Variants in NBAS observed in about 807,000 individuals in gnomAD.
NBAS encodes NAG/BC035112 fusion.
A neutral mutation model predicts 302.5 loss-of-function variants in NBAS; 219 were observed. That is an observed-to-expected ratio of 0.72 (90% CI 0.65 to 0.81). The LOEUF is 0.81. Among genes scored for constraint, NBAS ranks in the 30% least tolerant of loss-of-function variants. The pLI is 0.00. For missense variants in NBAS, 2,932 were observed against 2,841.6 expected (o/e 1.03, Z -0.72); for synonymous variants, 1,118 against 1,021.6 (o/e 1.09, Z -1.80).
At chr2:15,362,178 A>G (rs1673962528) in intron 32 of NBAS, among the ~76,000 whole-genome samples, 1 of 149,296 alleles carries the variant, frequency 6.7e-6, no homozygotes, top group African/African-American at 2.5e-5. Context: ...GGCCCAATCT[A>G]TTCTGAGAAG....
At chr2:15,291,366 T>C (rs960968705) in intron 41 of NBAS, among the ~76,000 whole-genome samples, 2 of 152,248 alleles carry the variant, frequency 1.3e-5, no homozygotes, top group African/African-American at 4.8e-5. Context: ...AAAAGACATT[T>C]ATACAAAGTT....
Position 15,445,827 on chromosome 2 carries a change from C to G in NBAS, c.2339+15374G>C, listed in dbSNP as rs75041768. On this transcript the variant is annotated intron_variant, in intron 21 of 51. Transcript: ENST00000281513. ...CAATTTCTTGAAACAGATCAAGAAACACCAATGACATGAGAACAAGAGGCA... is the reference window on the plus strand; with the variant it reads ...CAATTTCTTGAAACAGATCAAGAAAGACCAATGACATGAGAACAAGAGGCA... Among the ~76,000 whole-genome samples the G allele has an allele frequency of 2.6e-3, 384 of 150,406 alleles. 2 individuals carry two copies. Among genetic ancestry groups the G allele is most frequent in the Non-Finnish European group, 4.8e-3 (322 of 67,544 alleles).
chr2:14,984,921 C>T, the NBAS span, among the ~76,000 whole-genome samples: 7 of 152,084 alleles, frequency 4.6e-5, no homozygotes, highest in African/African-American at 9.7e-5. Context: ...TTAGACCCTA[C>T]GAGCAGGCAG....
intron 9 of NBAS, among the ~76,000 whole-genome samples, chr2:15,533,143 CGA>C (rs559269552): frequency 1.6e-4 from 25 of 152,046 alleles, no homozygotes; most frequent in Non-Finnish European, 2.6e-4. Flanking sequence ...GAATGTGAAA[CGA>C]GAGACACTTT....
the NBAS span, among the ~76,000 whole-genome samples, chr2:15,128,802 T>A: frequency 1.3e-5 from 2 of 152,166 alleles, no homozygotes; most frequent in African/African-American, 4.8e-5. Flanking sequence ...TGGGGCTGTG[T>A]TCCAGGAAGT....
chr2:15,186,103 C>CAT, intron 50 of NBAS, among the ~76,000 whole-genome samples: 1 of 149,944 alleles, frequency 6.7e-6, no homozygotes, highest in East Asian at 2.0e-4. Context: ...CACACACACA[C>CAT]ACACACATAT....
chr2:15,554,041 T>A lies in NBAS; in HGVS notation c.287+20A>T, dbSNP rs749076701. ...AAAGCTAATCCAGACAGAAAAACAT[T>A]GAATTTCACACTTCCTTACCTTGCA... On this transcript the variant is annotated intron_variant, in intron 4 of 51. Coordinates refer to ENST00000281513, the MANE Select transcript of NBAS (RefSeq NM_015909.4). 7.8e-6 allele frequency: 11 copies of A among 1,411,806 alleles called. No homozygotes were observed. The highest frequency in any genetic ancestry group is 2.2e-5 in the Admixed American group (1 of 46,370). 87.5% of individuals were successfully genotyped at this position (1,411,806 alleles called of 1,614,324 possible). A position where few individuals can be genotyped will look rare whatever the true frequency, so the allele number is the denominator to read the frequency against.
chr2:14,929,141 G>A, the NBAS span, among the ~76,000 whole-genome samples: 6 of 152,098 alleles, frequency 3.9e-5, no homozygotes, highest in African/African-American at 9.7e-5. Context: ...ATGCAGATTC[G>A]TGGGCCCCAT....
chr2:14,978,273 T>A, the NBAS span, among the ~76,000 whole-genome samples: 1 of 152,186 alleles, frequency 6.6e-6, no homozygotes, highest in Admixed American at 6.5e-5. Flanking sequence ...TCCTTCAGAG[T>A]ATGTAGTATC....
the NBAS span, among the ~76,000 whole-genome samples, chr2:14,867,561 CT>C: frequency 6.6e-6 from 1 of 152,154 alleles, no homozygotes; most frequent in Admixed American, 6.6e-5. Context: ...CAAGCATCGA[CT>C]GAGCACTAAT....
chr2:15,469,701 G>A (rs1679875467), intron 16 of NBAS, among the ~76,000 whole-genome samples: 1 of 152,006 alleles, frequency 6.6e-6, no homozygotes. Flanking sequence ...CATAGATGAA[G>A]CTGGAAACCA....
At chr2:15,126,542 G>A in the NBAS span, among the ~76,000 whole-genome samples, 1 of 152,282 alleles carries the variant, frequency 6.6e-6, no homozygotes, top group South Asian at 2.1e-4. Context: ...AAGAAACACA[G>A]ATCAGAGGTA....
the NBAS span, among the ~76,000 whole-genome samples, chr2:14,810,401 G>T: frequency 3.3e-5 from 5 of 152,148 alleles, no homozygotes; most frequent in Non-Finnish European, 7.3e-5. Context: ...AGATCTGATG[G>T]TTTTACAAAA....
chr2:15,095,217 A>T, the NBAS span, among the ~76,000 whole-genome samples: 1 of 152,092 alleles, frequency 6.6e-6, no homozygotes. Flanking sequence ...ACAGCTATAG[A>T]TGTAGTGTTT....
At chr2:15,226,728 A>C (rs1156456327) in intron 47 of NBAS, among the ~76,000 whole-genome samples, 1 of 152,230 alleles carries the variant, frequency 6.6e-6, no homozygotes, top group Non-Finnish European at 1.5e-5. Flanking sequence ...AAATTAGCAC[A>C]GATAAAGGAA....
chr2:15,025,324 G>T, the NBAS span, among the ~76,000 whole-genome samples: 2 of 152,136 alleles, frequency 1.3e-5, no homozygotes, highest in African/African-American at 4.8e-5. Context: ...ATTGGTCTAT[G>T]TGTCTGTTTT....
chr2:15,403,003 T>C (rs1263078876), intron 25 of NBAS, among the ~76,000 whole-genome samples: 2 of 152,156 alleles, frequency 1.3e-5, no homozygotes, highest in East Asian at 1.9e-4. Flanking sequence ...ATTTCAAGGA[T>C]TAAATTAATA....
the NBAS span, among the ~76,000 whole-genome samples, chr2:14,843,581 C>A: frequency 5.8e-4 from 87 of 150,494 alleles, 1 homozygote; most frequent in East Asian, 1.4e-3. Context: ...CACACACACA[C>A]AAAAATACCT....
At chr2:14,801,609 T>A in the NBAS span, among the ~76,000 whole-genome samples, 1 of 152,152 alleles carries the variant, frequency 6.6e-6, no homozygotes, top group Non-Finnish European at 1.5e-5. Flanking sequence ...CATCATTCTA[T>A]TCCCTGTAAT....
Sources: allele counts gnomAD v4.1 joint callset (sites outside exome capture counted in the v4.1 genomes callset), GRCh38; gene constraint gnomAD v4.1.1; transcripts MANE v1.5; gene names NCBI Gene and HGNC (gene_info 2026-07-23, HGNC 2026-07-21).